Variants in ACOXL observed in about 807,000 individuals in gnomAD.
ACOXL encodes acyl-coenzyme A oxidase-like protein.
A neutral mutation model predicts 71.9 loss-of-function variants in ACOXL; 70 were observed. The ratio of observed to expected loss-of-function variants is 0.97; its 90% confidence interval spans 0.80 to 1.19. The LOEUF is 1.19. Ranked by LOEUF, ACOXL falls within the 50% of genes most tolerant of loss-of-function variation. ACOXL has a pLI of 0.00. For synonymous variants in ACOXL, 253 were observed against 281.6 expected, an observed-to-expected ratio of 0.90 and a Z score of 1.02; for missense variants, 703 against 736.3, an observed-to-expected ratio of 0.95 and a Z score of 0.52.
intron 12 of ACOXL, among the ~76,000 whole-genome samples, chr2:110,935,649 A>G (rs574962706): frequency 6.6e-6 from 1 of 152,290 alleles, no homozygotes; most frequent in South Asian, 2.1e-4. Context: ...GTAGCTCCTG[A>G]GCAACCTGGG....
intron 14 of ACOXL, among the ~76,000 whole-genome samples, chr2:111,010,206 G>A (rs556944846): frequency 1.1e-4 from 17 of 152,250 alleles, no homozygotes; most frequent in African/African-American, 3.6e-4. Context: ...AAAAGAGTAG[G>A]TGGAACATAT....
intron 10 of ACOXL, among the ~76,000 whole-genome samples, chr2:110,846,590 G>A (rs1418385232): frequency 2.0e-5 from 3 of 148,532 alleles, no homozygotes; most frequent in East Asian, 2.1e-4. Context: ...AATGAACAGC[G>A]TTCAGGGTGA....
At chr2:111,056,788 C>A (rs200916314) in intron 16 of ACOXL, among the ~76,000 whole-genome samples, 1,404 of 101,274 alleles carry the variant, frequency 0.014, no homozygotes, top group African/African-American at 0.018. Flanking sequence ...ACTCTGTCTC[C>A]AAAAAAAAAA....
At chr2:110,945,141 GTCT>G (rs1293874386) in intron 12 of ACOXL, among the ~76,000 whole-genome samples, 3 of 152,166 alleles carry the variant, frequency 2.0e-5, no homozygotes, top group Non-Finnish European at 4.4e-5. Context: ...CTGCATGTAT[GTCT>G]TCTTTGAAAA....
At chr2:110,745,368 G>T (rs566890819) in intron 1 of ACOXL, among the ~76,000 whole-genome samples, 7 of 152,194 alleles carry the variant, frequency 4.6e-5, no homozygotes, top group Non-Finnish European at 8.8e-5. Context: ...TGGTCACTGG[G>T]GCCAGGAGCA....
At chr2:110,797,049 C>T (rs1685370166) in intron 5 of ACOXL, among the ~76,000 whole-genome samples, 2 of 152,316 alleles carry the variant, frequency 1.3e-5, no homozygotes, top group African/African-American at 2.4e-5. Flanking sequence ...CCCAACTTGC[C>T]CCAGGTGCCC....
At chr2:110,842,005 A>C (rs1380602251) in intron 10 of ACOXL, among the ~76,000 whole-genome samples, 5 of 152,198 alleles carry the variant, frequency 3.3e-5, no homozygotes. Context: ...GAGGGGTAAT[A>C]AGCAGTCCTG....
chr2:110,885,874 T>C (rs750456156), intron 10 of ACOXL, among the ~76,000 whole-genome samples: 6 of 152,210 alleles, frequency 3.9e-5, no homozygotes, highest in Non-Finnish European at 7.3e-5. Flanking sequence ...CCCTTGCAAA[T>C]GTTGTTAGTA....
chr2:110,922,979 G>T lies in ACOXL; in HGVS notation c.906-10510G>T, dbSNP rs553329744. ...TCCATGGTCTCTGGCCCACCTCATTGTCCCCATTATAGCTCTGCAGCTTCT... is the reference window on the plus strand; with the variant it reads ...TCCATGGTCTCTGGCCCACCTCATTTTCCCCATTATAGCTCTGCAGCTTCT... On this transcript the variant is annotated intron_variant, in intron 11 of 17. Coordinates refer to ENST00000439055, the MANE Select transcript of ACOXL (RefSeq NM_001142807.4). Among the ~76,000 whole-genome samples the T allele has an allele frequency of 2.9e-4, 44 of 152,208 alleles. No individual in the cohort carries two copies. The South Asian group carries it at 3.9e-3, about 14-fold the overall frequency.
chr2:110,877,323 A>C (rs923896818), intron 10 of ACOXL, among the ~76,000 whole-genome samples: 2 of 152,178 alleles, frequency 1.3e-5, no homozygotes, highest in African/African-American at 4.8e-5. Context: ...TCTAGTCTTG[A>C]TGCAAGCTGC....
intron 9 of ACOXL, among the ~76,000 whole-genome samples, chr2:110,827,992 AC>A (rs1018598145): frequency 6.6e-6 from 1 of 152,164 alleles, no homozygotes; most frequent in African/African-American, 2.4e-5. Flanking sequence ...ATTATTTGAG[AC>A]AGAATCTTGC....
At chr2:110,999,447 G>A (rs2063528887) in intron 14 of ACOXL, among the ~76,000 whole-genome samples, 1 of 152,040 alleles carries the variant, frequency 6.6e-6, no homozygotes, top group Non-Finnish European at 1.5e-5. Flanking sequence ...CTTATCAAAA[G>A]CATTAACCAG....
chr2:110,805,682 G>T (rs990639206), intron 9 of ACOXL, among the ~76,000 whole-genome samples: 1 of 152,240 alleles, frequency 6.6e-6, no homozygotes, highest in Non-Finnish European at 1.5e-5. Flanking sequence ...AGGGAGAACG[G>T]GATGTTCAGA....
intron 10 of ACOXL, among the ~76,000 whole-genome samples, chr2:110,861,402 C>T (rs1003106786): frequency 6.6e-6 from 1 of 151,982 alleles, no homozygotes; most frequent in Non-Finnish European, 1.5e-5. Context: ...ATGGCTTTTC[C>T]CGGTGGGACA....
intron 12 of ACOXL, among the ~76,000 whole-genome samples, chr2:110,983,841 AG>A (rs2062818290): frequency 6.6e-6 from 1 of 152,164 alleles, no homozygotes; most frequent in Non-Finnish European, 1.5e-5. Context: ...TTATTATGTA[AG>A]AGATCACTTT....
At chr2:110,833,158 G>C (rs2105661274) in intron 9 of ACOXL, among the ~76,000 whole-genome samples, 1 of 152,258 alleles carries the variant, frequency 6.6e-6, no homozygotes, top group Non-Finnish European at 1.5e-5. Flanking sequence ...TAACTCAACT[G>C]GAAATAACCC....
chr2:111,105,811 G>A (rs963291064), intron 17 of ACOXL, among the ~76,000 whole-genome samples: 2 of 152,112 alleles, frequency 1.3e-5, no homozygotes, highest in Non-Finnish European at 2.9e-5. Flanking sequence ...GTATTTCACT[G>A]TCTGTGTTGA....
intron 10 of ACOXL, among the ~76,000 whole-genome samples, chr2:110,877,155 C>G (rs1696023416): frequency 6.6e-6 from 1 of 152,254 alleles, no homozygotes; most frequent in South Asian, 2.1e-4. Flanking sequence ...CCCTCCTTCT[C>G]CAGCACAGCC....
At chr2:110,844,778 C>T (rs1411940005) in intron 10 of ACOXL, among the ~76,000 whole-genome samples, 1 of 152,018 alleles carries the variant, frequency 6.6e-6, no homozygotes, top group African/African-American at 2.4e-5. Flanking sequence ...AACTCCTGAC[C>T]TCAAGGGATC....
Sources: gnomAD v4.1 joint callset for allele counts (sites outside exome capture counted in the v4.1 genomes callset) on GRCh38, gnomAD v4.1.1 for gene constraint, MANE v1.5 for transcripts, NCBI Gene and HGNC (gene_info 2026-07-23, HGNC 2026-07-21) for gene names.